Variants in ZNF280D observed in about 807,000 individuals in gnomAD.
ZNF280D encodes the protein suppressor of hairy wing homolog 4.
In ZNF280D, 39 loss-of-function variants were observed where a neutral mutation model predicts 94.7. The ratio of observed to expected loss-of-function variants is 0.41; its 90% CI spans 0.32 to 0.54. The LOEUF (loss-of-function observed/expected upper bound fraction) is 0.54, where lower values mean the gene tolerates loss of function less well. Ranked by LOEUF, ZNF280D falls within the 20% of genes least tolerant of loss-of-function variation. The probability of loss-of-function intolerance (pLI) is 0.22; values close to 1 mark genes in which losing one functional copy is unlikely to be tolerated. For synonymous variants in ZNF280D, 398 were observed against 377.6 expected (o/e 1.05, Z -0.63); for missense variants, 1,090 against 1,149.3 (o/e 0.95, Z 0.75).
chr15:56,707,023 T>C lies in ZNF280D; in HGVS notation c.28+59A>G, dbSNP rs527299596. 9.0e-5 allele frequency: 138 copies of C among 1,528,172 alleles called. No homozygotes were observed. The African/African-American group carries it at 1.4e-3, about 15-fold the overall frequency. 94.7% of individuals were successfully genotyped at this position (1,528,172 alleles called of 1,614,324 possible). A position where few individuals can be genotyped will look rare whatever the true frequency, so the allele number is the denominator to read the frequency against. On this transcript the variant is annotated intron_variant, in intron 3 of 21. Transcript: ENST00000267807. ...GTCTCCCAACTTTCATCCTTTCTCCTGAGGTAAAGTGATACAAAAGCCACA... is the reference window on the plus strand; with the variant it reads ...GTCTCCCAACTTTCATCCTTTCTCCCGAGGTAAAGTGATACAAAAGCCACA...
At chr15:56,723,972 C>T (rs1377345045) in intron 1 of ZNF280D, among the ~76,000 whole-genome samples, 2 of 152,178 alleles carry the variant, frequency 1.3e-5, no homozygotes, top group African/African-American at 4.8e-5. Flanking sequence ...AATCATCTGA[C>T]AACACAGTAT....
chr15:56,686,276 T>C (rs2056006980), intron 9 of ZNF280D, among the ~76,000 whole-genome samples: 1 of 152,162 alleles, frequency 6.6e-6, no homozygotes, highest in Non-Finnish European at 1.5e-5. Flanking sequence ...GCAGTGGGAC[T>C]ACAGGCGTGT....
At chr15:56,658,872 T>C (rs2053722485) in intron 16 of ZNF280D, among the ~76,000 whole-genome samples, 1 of 152,170 alleles carries the variant, frequency 6.6e-6, no homozygotes, top group African/African-American at 2.4e-5. Context: ...ATAGTAATTC[T>C]TTTTTATTAC....
chr15:56,719,446 GC>G (rs1272507256), intron 1 of ZNF280D, among the ~76,000 whole-genome samples: 1 of 151,842 alleles, frequency 6.6e-6, no homozygotes, highest in Non-Finnish European at 1.5e-5. Context: ...TTTGTTTTCT[GC>G]CATGAGTGGA....
intron 6 of ZNF280D, chr15:56,698,160 T>C (rs1266049613): frequency 6.6e-6 from 1 of 152,260 alleles, no homozygotes; most frequent in Non-Finnish European, 1.5e-5. Context: ...CCCGTTCCAT[T>C]AAAATCATTG....
intron 1 of ZNF280D, among the ~76,000 whole-genome samples, chr15:56,707,950 T>A (rs879429306): frequency 7.9e-5 from 12 of 152,016 alleles, no homozygotes; most frequent in Non-Finnish European, 8.8e-5. Flanking sequence ...AACATTTTTT[T>A]AAAAACTATT....
At chr15:56,691,394 C>G (rs1437234894) in intron 7 of ZNF280D, among the ~76,000 whole-genome samples, 3 of 152,056 alleles carry the variant, frequency 2.0e-5, no homozygotes, top group African/African-American at 4.8e-5. Flanking sequence ...TTTAAGTTAC[C>G]TGAAAAACCA....
chr15:56,678,273 G>T (rs1372928126), intron 11 of ZNF280D, among the ~76,000 whole-genome samples: 2 of 152,072 alleles, frequency 1.3e-5, no homozygotes, highest in African/African-American at 4.8e-5. Context: ...CTCCCAAAGT[G>T]CTGACTGGGA....
intron 1 of ZNF280D, among the ~76,000 whole-genome samples, chr15:56,716,241 AAC>A (rs1412167693): frequency 4.6e-5 from 7 of 152,176 alleles, no homozygotes; most frequent in Non-Finnish European, 7.4e-5. Flanking sequence ...GATAGGGACA[AAC>A]ACCCATACAA....
chr15:56,733,226 G>A (rs1309595631), intron 1 of ZNF280D, among the ~76,000 whole-genome samples: 2 of 152,262 alleles, frequency 1.3e-5, no homozygotes, highest in South Asian at 2.1e-4. Context: ...AGCAGCCGAG[G>A]CGGCTGCCGC....
intron 10 of ZNF280D, among the ~76,000 whole-genome samples, chr15:56,679,854 CTT>C (rs1312424761): frequency 6.6e-6 from 1 of 152,174 alleles, no homozygotes; most frequent in Non-Finnish European, 1.5e-5. Context: ...CTTGAAATAT[CTT>C]TTCCTCCTTT....
intron 19 of ZNF280D, among the ~76,000 whole-genome samples, chr15:56,644,297 C>T (rs1460488878): frequency 1.3e-5 from 2 of 151,832 alleles, no homozygotes; most frequent in Admixed American, 1.3e-4. Flanking sequence ...TAATTGTGCA[C>T]AATACTTATA....
chr15:56,687,834 T>C (rs2056133508), intron 9 of ZNF280D, among the ~76,000 whole-genome samples: 1 of 152,226 alleles, frequency 6.6e-6, no homozygotes. Context: ...AGACCAAATA[T>C]GGCTCTGTAC....
At chr15:56,669,838 AT>A in intron 13 of ZNF280D, among the ~76,000 whole-genome samples, 1 of 76,190 alleles carries the variant, frequency 1.3e-5, no homozygotes, top group Admixed American at 2.0e-4. Context: ...ATCAACTGCA[AT>A]TTTTACCCTC....
chr15:56,683,390 G>A (rs575199815), intron 9 of ZNF280D, among the ~76,000 whole-genome samples: 37 of 152,246 alleles, frequency 2.4e-4, no homozygotes, highest in Non-Finnish European at 4.1e-4. Flanking sequence ...AGCAAGCTAC[G>A]GAGGGGCATA....
Position 56,676,121 on chromosome 15 carries a change from C to A in ZNF280D, c.1410+549G>T, listed in dbSNP as rs74602387. On this transcript the variant is annotated intron_variant, in intron 13 of 21. Coordinates refer to ENST00000267807, the MANE Select transcript of ZNF280D (RefSeq NM_017661.4). The stretch of plus-strand genomic sequence containing the variant: ...GTGATGATCTAAATATAGTTCTCTG[C>A]CAGAGTTCATATACTGATCAGTAAG... 3.9e-5 allele frequency among the ~76,000 whole-genome samples: 6 copies of A among 152,108 alleles called. No homozygotes were observed. In the East Asian group the frequency reaches 1.2e-3, roughly 29 times the overall value.
chr15:56,656,739 A>G (rs543334431), intron 17 of ZNF280D, among the ~76,000 whole-genome samples: 1 of 152,336 alleles, frequency 6.6e-6, no homozygotes, highest in Admixed American at 6.5e-5. Context: ...CCAGGCACAG[A>G]CAAAAAAACC....
chr15:56,644,635 T>C (rs541347645), intron 19 of ZNF280D, among the ~76,000 whole-genome samples: 3 of 152,312 alleles, frequency 2.0e-5, no homozygotes, highest in African/African-American at 7.2e-5. Context: ...ATTATATTCT[T>C]ATAAAAGAAA....
Position 56,707,410 on chromosome 15 carries a change from T to G in ZNF280D, c.-85-104A>C. On this transcript the variant is annotated intron_variant, in intron 1 of 21. Coordinates refer to ENST00000267807, the MANE Select transcript of ZNF280D (RefSeq NM_017661.4). The stretch of plus-strand genomic sequence containing the variant: ...AGAGGTCAATTATGTTTGATATATC[T>G]GATATACACATATAGTTCATTTTAC... 4 of 920,772 alleles carry G rather than the reference T, an allele frequency of 4.3e-6. No individual in the cohort carries two copies. The South Asian group carries it at 6.3e-5, about 14-fold the overall frequency. 57.0% of individuals were successfully genotyped at this position (920,772 alleles called of 1,614,324 possible). A position where few individuals can be genotyped will look rare whatever the true frequency, so the allele number is the denominator to read the frequency against.
Sources: gnomAD v4.1 joint callset for allele counts (sites outside exome capture counted in the v4.1 genomes callset) on GRCh38, gnomAD v4.1.1 for gene constraint, MANE v1.5 for transcripts, NCBI Gene and HGNC (gene_info 2026-07-23, HGNC 2026-07-21) for gene names.